Variants in ARK2N observed in about 807,000 individuals in gnomAD.
ARK2N encodes the protein arkadia (RNF111) N-terminal like PKA signaling regulator 2N, also known as protein ARK2N.
chr18:46,232,481 T>A, the ARK2N span: 1 of 152,208 alleles, frequency 6.6e-6, no homozygotes, highest in Non-Finnish European at 1.5e-5. Flanking sequence ...CTCAAAATCC[T>A]CTTCAAAAAT....
the ARK2N span, among the ~76,000 whole-genome samples, chr18:46,205,257 G>A: frequency 4.6e-5 from 7 of 152,146 alleles, no homozygotes; most frequent in African/African-American, 1.4e-4. Context: ...GATGTTAAAG[G>A]ATGGTTAATG....
the ARK2N span, among the ~76,000 whole-genome samples, chr18:46,203,384 G>T: frequency 2.6e-5 from 4 of 152,070 alleles, no homozygotes; most frequent in Admixed American, 1.3e-4. Flanking sequence ...AACTTGACAC[G>T]AAAATAAAAG....
chr18:46,188,829 A>T, the ARK2N span, among the ~76,000 whole-genome samples: 2 of 152,134 alleles, frequency 1.3e-5, no homozygotes, highest in Non-Finnish European at 1.5e-5. Context: ...GAGTCAGAAA[A>T]GATCTTGGTA....
the ARK2N span, among the ~76,000 whole-genome samples, chr18:46,244,449 C>A: frequency 6.6e-6 from 1 of 151,898 alleles, no homozygotes; most frequent in African/African-American, 2.4e-5. Flanking sequence ...GGTGGCAGTA[C>A]AGAGAAATGA....
the ARK2N span, among the ~76,000 whole-genome samples, chr18:46,215,620 G>A: frequency 1.3e-5 from 2 of 152,064 alleles, no homozygotes; most frequent in African/African-American, 2.4e-5. Flanking sequence ...TAGTAGCTCA[G>A]TATGCTTAGA....
chr18:46,239,481 A>G, the ARK2N span, among the ~76,000 whole-genome samples: 3 of 152,230 alleles, frequency 2.0e-5, no homozygotes, highest in African/African-American at 7.2e-5. Context: ...GGAAATAGAT[A>G]TGTTAGTCAA....
the ARK2N span, among the ~76,000 whole-genome samples, chr18:46,188,463 A>G: frequency 1.3e-5 from 2 of 152,158 alleles, no homozygotes; most frequent in East Asian, 3.9e-4. Context: ...AGGCCTCCCA[A>G]AGTGCTGGGA....
the ARK2N span, among the ~76,000 whole-genome samples, chr18:46,195,787 G>A: frequency 6.6e-6 from 1 of 151,748 alleles, no homozygotes; most frequent in Non-Finnish European, 1.5e-5. Context: ...TGTTGGCCAA[G>A]CTGGTCTCGA....
At chr18:46,244,645 A>G in the ARK2N span, among the ~76,000 whole-genome samples, 2 of 127,776 alleles carry the variant, frequency 1.6e-5, no homozygotes, top group African/African-American at 6.0e-5. Flanking sequence ...CCAGTCACCC[A>G]GGCTGGAGTA....
At chr18:46,199,024 T>C in the ARK2N span, among the ~76,000 whole-genome samples, 1 of 152,264 alleles carries the variant, frequency 6.6e-6, no homozygotes, top group Admixed American at 6.5e-5. Context: ...CCAGCTAGAA[T>C]TGGAAGATGA....
At chr18:46,228,087 T>C in the ARK2N span, among the ~76,000 whole-genome samples, 7 of 152,194 alleles carry the variant, frequency 4.6e-5, no homozygotes, top group African/African-American at 1.7e-4. Flanking sequence ...GTTAACTATT[T>C]CCTCAAACAG....
chr18:46,209,336 A>G, the ARK2N span, among the ~76,000 whole-genome samples: 1,211 of 134,574 alleles, frequency 9.0e-3, 11 homozygotes, highest in Middle Eastern at 0.05. Context: ...CCTTCTTTCC[A>G]CTTTGTATTA....
chr18:46,215,957 A>T, the ARK2N span: 3 of 1,614,194 alleles, frequency 1.9e-6, no homozygotes, highest in South Asian at 2.2e-5. Flanking sequence ...TCTGAACAAG[A>T]GACAGCCAAG....
the ARK2N span, among the ~76,000 whole-genome samples, chr18:46,208,354 A>G: frequency 6.6e-6 from 1 of 150,636 alleles, no homozygotes; most frequent in Admixed American, 6.6e-5. Flanking sequence ...AATTAGAATG[A>G]TGCCTTTTTT....
the ARK2N span, chr18:46,232,275 A>G: frequency 6.6e-6 from 1 of 152,206 alleles, no homozygotes; most frequent in African/African-American, 2.4e-5. Flanking sequence ...ATAGCAAATT[A>G]TGGGCAAGTT....
chr18:46,204,264 A>G, the ARK2N span, among the ~76,000 whole-genome samples: 3 of 152,164 alleles, frequency 2.0e-5, no homozygotes, highest in Admixed American at 2.0e-4. Context: ...ATCACTTGAT[A>G]TTGAAGCTAA....
chr18:46,215,745 G>A, the ARK2N span: 1 of 786,410 alleles, frequency 1.3e-6, no homozygotes, highest in Non-Finnish European at 2.0e-6. Flanking sequence ...ACTTAGAAAG[G>A]TAGGCATGTT....
At chr18:46,245,301 C>T in the ARK2N span, among the ~76,000 whole-genome samples, 1 of 152,028 alleles carries the variant, frequency 6.6e-6, no homozygotes, top group East Asian at 1.9e-4. Flanking sequence ...GGTGCTGTGG[C>T]TCACGCCTAT....
chr18:46,263,322 T>C, the ARK2N span: 2 of 473,248 alleles, frequency 4.2e-6, no homozygotes, highest in Non-Finnish European at 7.5e-6. Context: ...GAGAAAAGAA[T>C]TTCTTCTTTC....
Sources: allele counts gnomAD v4.1 joint callset (sites outside exome capture counted in the v4.1 genomes callset), GRCh38; gene constraint gnomAD v4.1.1; transcripts MANE v1.5; gene names NCBI Gene and HGNC (gene_info 2026-07-23, HGNC 2026-07-21).